NDST4: variants seen among roughly 807,000 people sequenced by gnomAD.
The protein encoded by NDST4 is N-deacetylase and N-sulfotransferase 4, also known as N-heparan sulfate sulfotransferase 4.
NDST4 carries 63 observed loss-of-function variants against 100.8 expected under a neutral mutation model. The ratio of observed to expected loss-of-function variants is 0.62; its 90% CI spans 0.51 to 0.77. NDST4 has a LOEUF of 0.77. NDST4 is among the 30% of genes least tolerant of loss of function. NDST4 has a pLI of 0.00. For missense variants in NDST4, 943 were observed against 1,018.4 expected (o/e 0.93, Z 1.01); for synonymous variants, 377 against 361.8 (o/e 1.04, Z -0.48).
At chr4:114,867,667 A>AAAAAAAAAAAAAAAAAAG (rs1560786349) in intron 7 of NDST4, among the ~76,000 whole-genome samples, 1 of 111,240 alleles carries the variant, frequency 9.0e-6, no homozygotes, top group Non-Finnish European at 1.8e-5. Context: ...AAAAAAAGCA[A>AAAAAAAAAAAAAAAAAAG]AAAAAAAAAA....
At chr4:114,849,343 T>A (rs1723623565) in intron 8 of NDST4, among the ~76,000 whole-genome samples, 1 of 152,036 alleles carries the variant, frequency 6.6e-6, no homozygotes. Flanking sequence ...TACATTGGAG[T>A]GAGCAGCAGT....
chr4:115,090,932 A>T (rs1018435643), intron 1 of NDST4, among the ~76,000 whole-genome samples: 1 of 152,098 alleles, frequency 6.6e-6, no homozygotes, highest in Non-Finnish European at 1.5e-5. Flanking sequence ...TGTAATGAAC[A>T]GCCATTTTTA....
At chr4:115,090,301 A>G (rs1488038758) in intron 1 of NDST4, among the ~76,000 whole-genome samples, 1 of 151,970 alleles carries the variant, frequency 6.6e-6, no homozygotes, top group African/African-American at 2.4e-5. Flanking sequence ...TGACTTTAAA[A>G]CATTTTTAAA....
intron 4 of NDST4, among the ~76,000 whole-genome samples, chr4:114,962,150 A>T (rs1470350931): frequency 6.6e-6 from 1 of 152,034 alleles, no homozygotes; most frequent in Non-Finnish European, 1.5e-5. Flanking sequence ...AGAAACAGAG[A>T]CTTCTTCAAC....
Position 115,076,124 on chromosome 4 carries a change from G to A in NDST4, c.913C>T (p.Leu305Phe), listed in dbSNP as rs1372276814. The A allele has an allele frequency of 1.2e-6, 2 of 1,613,714 alleles. No individual in the cohort carries two copies. The highest frequency in any genetic ancestry group is 1.3e-5 in the African/African-American group (1 of 74,870). Residue 305 changes from leucine to phenylalanine, a missense_variant, in exon 2 of 14, where the codon CTT becomes TTT. Leu to Phe is a conservative substitution (Grantham distance 22, BLOSUM62 0). This residue lies in a region of NDST4 where 417 missense variants were observed against 384.2 expected (regional missense o/e 1.09). Transcript: ENST00000264363. ...ACAAATATATCATCAATGTCCACAAGGATGTACCTGTCCAAGGACAATGTC... is the reference window on the plus strand; with the variant it reads ...ACAAATATATCATCAATGTCCACAAAGATGTACCTGTCCAAGGACAATGTC... Reference protein sequence around the residue: ...RLTLSLDRYILVDIDDIFVGK... With the variant: ...RLTLSLDRYIFVDIDDIFVGK...
intron 1 of NDST4, among the ~76,000 whole-genome samples, chr4:115,106,532 G>A (rs186870703): frequency 4.6e-4 from 70 of 152,050 alleles, no homozygotes; most frequent in Non-Finnish European, 6.9e-4. Flanking sequence ...GTATACTCTA[G>A]CTCAATTCTA....
intron 2 of NDST4, among the ~76,000 whole-genome samples, chr4:114,990,089 G>A (rs1276290650): frequency 6.6e-6 from 1 of 151,942 alleles, no homozygotes; most frequent in East Asian, 1.9e-4. Context: ...AAGCAATTTT[G>A]TTCCAATATT....
At chr4:115,034,013 G>A (rs756411091) in intron 2 of NDST4, among the ~76,000 whole-genome samples, 4 of 151,918 alleles carry the variant, frequency 2.6e-5, no homozygotes, top group Non-Finnish European at 5.9e-5. Context: ...GTGCTGTGTT[G>A]ACATCTGGTG....
chr4:114,932,474 T>C (rs538737778), intron 6 of NDST4, among the ~76,000 whole-genome samples: 85 of 151,746 alleles, frequency 5.6e-4, no homozygotes, highest in African/African-American at 2.0e-3. Flanking sequence ...CTATTCAATA[T>C]AATATTAAAA....
At chr4:114,872,966 A>G (rs28454168) in intron 6 of NDST4, among the ~76,000 whole-genome samples, 13,039 of 152,054 alleles carry the variant, frequency 0.086, 1,636 homozygotes, top group African/African-American at 0.27. Flanking sequence ...GACAAAGAAC[A>G]TATTTTTATA....
At chr4:115,012,710 A>T (rs1727578732) in intron 2 of NDST4, among the ~76,000 whole-genome samples, 1 of 150,078 alleles carries the variant, frequency 6.7e-6, no homozygotes, top group African/African-American at 2.5e-5. Context: ...AAAGAAAGGA[A>T]ATCAGTACAT....
intron 6 of NDST4, among the ~76,000 whole-genome samples, chr4:114,897,199 T>A (rs976057317): frequency 1.1e-4 from 16 of 152,122 alleles, no homozygotes; most frequent in African/African-American, 3.6e-4. Context: ...ACATAATAGT[T>A]CTGGAGCCCT....
At chr4:114,931,933 A>G (rs1725525141) in intron 6 of NDST4, among the ~76,000 whole-genome samples, 1 of 151,942 alleles carries the variant, frequency 6.6e-6, no homozygotes, top group Admixed American at 6.6e-5. Flanking sequence ...AATTAACATC[A>G]AATCCTTCTC....
chr4:114,830,976 A>G (rs1723183813), intron 12 of NDST4, among the ~76,000 whole-genome samples: 1 of 152,254 alleles, frequency 6.6e-6, no homozygotes, highest in Non-Finnish European at 1.5e-5. Flanking sequence ...TTGTCCTAGT[A>G]CATGTTGTAA....
At chr4:114,901,719 A>G (rs554309227) in intron 6 of NDST4, among the ~76,000 whole-genome samples, 1 of 146,914 alleles carries the variant, frequency 6.8e-6, no homozygotes, top group South Asian at 2.2e-4. Context: ...TTGTCTTTCA[A>G]TTTTTTTTTT....
chr4:115,062,958 A>G (rs1279317186), intron 2 of NDST4, among the ~76,000 whole-genome samples: 1 of 151,958 alleles, frequency 6.6e-6, no homozygotes, highest in Admixed American at 6.6e-5. Context: ...CTAGATACTA[A>G]GCAATTTATT....
At chr4:115,056,982 T>C (rs1728708506) in intron 2 of NDST4, among the ~76,000 whole-genome samples, 1 of 152,154 alleles carries the variant, frequency 6.6e-6, no homozygotes. Context: ...TTTTTTTCAC[T>C]TTGTTGGATT....
Position 114,992,007 on chromosome 4 carries a change from T to C in NDST4, c.979-14733A>G, listed in dbSNP as rs946394724. Among the ~76,000 whole-genome samples the C allele has an allele frequency of 3.3e-5, 5 of 152,078 alleles. No homozygotes were observed. The East Asian group carries it at 9.6e-4, about 29-fold the overall frequency. On this transcript the variant is annotated intron_variant, in intron 2 of 13. Coordinates refer to ENST00000264363, the MANE Select transcript of NDST4 (RefSeq NM_022569.3). ...ATAATCAGTATATCTTTTTCTTCAA[T>C]ACATTGTTTATTACAGAAAAATCTC... is the stretch of plus-strand genomic sequence containing the variant.
intron 2 of NDST4, among the ~76,000 whole-genome samples, chr4:115,070,700 A>G (rs1375620799): frequency 6.6e-6 from 1 of 152,198 alleles, no homozygotes. Context: ...GAAGAGAATG[A>G]TAAAATGAGA....
Sources: allele counts gnomAD v4.1 joint callset (sites outside exome capture counted in the v4.1 genomes callset), GRCh38; gene constraint gnomAD v4.1.1; regional missense constraint gnomAD v4.1.1; transcripts MANE v1.5; gene names NCBI Gene and HGNC (gene_info 2026-07-23, HGNC 2026-07-21).